The following GALNT18 variants were observed in gnomAD, a reference collection of about 807,000 sequenced individuals.
The protein encoded by GALNT18 is polypeptide N-acetylgalactosaminyltransferase 18.
GALNT18 carries 44 observed loss-of-function variants against 69.5 expected under a neutral mutation model. The ratio of observed to expected loss-of-function variants is 0.63; its 90% CI spans 0.50 to 0.81. The LOEUF is 0.81. Among genes scored for constraint, GALNT18 ranks in the 40% least tolerant of loss-of-function variants. The pLI, the probability that GALNT18 is intolerant of heterozygous loss-of-function variation, is 0.00. For synonymous variants in GALNT18, 364 were observed against 318.2 expected (o/e 1.14, Z -1.53); for missense variants, 715 against 810.0 (o/e 0.88, Z 1.42).
intron 1 of GALNT18, among the ~76,000 whole-genome samples, chr11:11,522,426 G>A (rs1215897080): frequency 6.6e-6 from 1 of 152,176 alleles, no homozygotes; most frequent in African/African-American, 2.4e-5. Context: ...GGGGATGAGA[G>A]TGTCCCTTGA....
At chr11:11,289,804 T>TG (rs1345739872) in intron 10 of GALNT18, among the ~76,000 whole-genome samples, 2 of 152,150 alleles carry the variant, frequency 1.3e-5, no homozygotes, top group Non-Finnish European at 2.9e-5. Context: ...ATTCAGCCAG[T>TG]GAATCTACCA....
intron 3 of GALNT18, among the ~76,000 whole-genome samples, chr11:11,380,152 T>C (rs1853874815): frequency 6.6e-6 from 1 of 152,222 alleles, no homozygotes; most frequent in African/African-American, 2.4e-5. Flanking sequence ...ATCCATTCCT[T>C]AGAGGGCCTC....
At chr11:11,352,873 T>G in intron 6 of GALNT18, 1 of 1,614,202 alleles carries the variant, frequency 6.2e-7, no homozygotes. Flanking sequence ...TCCAAAATCT[T>G]TATTTCACGC....
At chr11:11,306,505 G>C (rs368706878) in intron 9 of GALNT18, among the ~76,000 whole-genome samples, 2 of 152,034 alleles carry the variant, frequency 1.3e-5, no homozygotes, top group Non-Finnish European at 2.9e-5. Context: ...CATTTTCCTT[G>C]TCCCTGGGGA....
chr11:11,572,656 T>C (rs1007469420), intron 1 of GALNT18, among the ~76,000 whole-genome samples: 1 of 151,986 alleles, frequency 6.6e-6, no homozygotes, highest in African/African-American at 2.4e-5. Flanking sequence ...AGAGCAATGG[T>C]GCAGGAGGAC....
rs142465138 is a variant in GALNT18 at position 11,309,953 on chromosome 11, C to T, written c.1513-16760G>A. 4.4e-3 allele frequency among the ~76,000 whole-genome samples: 661 copies of T among 151,942 alleles called. 5 individuals are homozygous for T. Among genetic ancestry groups the T allele is most frequent in the African/African-American group, 0.015 (628 of 41,494 alleles). ...CTTAAATAGATCTCTCTACTTATTTCTTCCCTTCAGTCTCAAAACATGTTC... is the reference window on the plus strand; with the variant it reads ...CTTAAATAGATCTCTCTACTTATTTTTTCCCTTCAGTCTCAAAACATGTTC... On this transcript the variant is annotated intron_variant, in intron 9 of 10. Transcript: ENST00000227756. The surrounding 1 kb of genome is among the most constrained non-coding windows in gnomAD (Gnocchi z 4.6).
chr11:11,572,111 G>A (rs1858806090), intron 1 of GALNT18, among the ~76,000 whole-genome samples: 2 of 152,238 alleles, frequency 1.3e-5, no homozygotes, highest in South Asian at 4.1e-4. Context: ...CCCTGTGCAA[G>A]CAGGCCTGTG....
At chr11:11,506,161 A>C (rs1014830403) in intron 1 of GALNT18, among the ~76,000 whole-genome samples, 40 of 152,326 alleles carry the variant, frequency 2.6e-4, no homozygotes, top group African/African-American at 9.4e-4. Context: ...GATTTCAAAC[A>C]ATCTATGTCC....
intron 3 of GALNT18, among the ~76,000 whole-genome samples, chr11:11,423,262 G>C (rs1488577004): frequency 6.6e-6 from 1 of 151,964 alleles, no homozygotes; most frequent in African/African-American, 2.4e-5. Flanking sequence ...TGTGTTATAT[G>C]TATGTAACAC....
intron 1 of GALNT18, among the ~76,000 whole-genome samples, chr11:11,560,817 C>T (rs1858487253): frequency 6.6e-6 from 1 of 152,198 alleles, no homozygotes; most frequent in Non-Finnish European, 1.5e-5. Context: ...GAGATTCCTG[C>T]CAGACCCTTT....
At position 11,616,778 on chromosome 11, in the gene GALNT18, C is replaced by T. The variant is rs1211928143; in HGVS notation, c.235+4581G>A. On this transcript the variant is annotated intron_variant, in intron 1 of 10. Coordinates refer to ENST00000227756, the MANE Select transcript of GALNT18 (RefSeq NM_198516.3). This position sits in a 1 kb window ranked among gnomAD's most constrained non-coding sequence, Gnocchi z 4.4. ...GGGTTTGTTCTCAAACGTGTTTACA[C>T]TATTTGTACTTGTCACTGTAACGGC... Among the ~76,000 whole-genome samples the T allele has an allele frequency of 1.3e-5, 2 of 152,182 alleles. No individual in the cohort carries two copies. The highest frequency in any genetic ancestry group is 2.4e-5 in the African/African-American group (1 of 41,434).
chr11:11,597,786 G>C (rs1003297433), intron 1 of GALNT18, among the ~76,000 whole-genome samples: 4 of 151,242 alleles, frequency 2.6e-5, no homozygotes, highest in Non-Finnish European at 5.9e-5. Flanking sequence ...TCAGCCTCCT[G>C]AGTAGCTGGG....
intron 1 of GALNT18, among the ~76,000 whole-genome samples, chr11:11,552,794 T>C (rs571488223): frequency 5.9e-5 from 9 of 152,264 alleles, no homozygotes; most frequent in Admixed American, 5.9e-4. Flanking sequence ...TTCTGCATGG[T>C]TCTGTCAGCC....
chr11:11,442,228 C>T (rs1340669595), intron 2 of GALNT18, among the ~76,000 whole-genome samples: 1 of 152,184 alleles, frequency 6.6e-6, no homozygotes, highest in Non-Finnish European at 1.5e-5. Flanking sequence ...CTCACATTGT[C>T]ATCTCTCAGG....
At chr11:11,330,255 G>A (rs76693736) in intron 8 of GALNT18, among the ~76,000 whole-genome samples, 7,762 of 152,260 alleles carry the variant, frequency 0.051, 262 homozygotes, top group Middle Eastern at 0.075. Flanking sequence ...TGTCATTTGG[G>A]CATGAGTTGG....
At chr11:11,611,678 C>T (rs139747174) in intron 1 of GALNT18, among the ~76,000 whole-genome samples, 13 of 152,272 alleles carry the variant, frequency 8.5e-5, no homozygotes, top group African/African-American at 3.1e-4. Context: ...CTGAAAGACA[C>T]GTGACTATGC....
At chr11:11,290,307 G>GCTAA (rs921541558) in intron 10 of GALNT18, among the ~76,000 whole-genome samples, 128 of 152,306 alleles carry the variant, frequency 8.4e-4, no homozygotes, top group African/African-American at 2.9e-3. Context: ...TCAATCTCCT[G>GCTAA]CTAACTCTTC....
intron 3 of GALNT18, among the ~76,000 whole-genome samples, chr11:11,388,234 C>A (rs1351905160): frequency 1.3e-5 from 2 of 152,048 alleles, no homozygotes; most frequent in Non-Finnish European, 2.9e-5. Flanking sequence ...TCGTGGCCAC[C>A]AAAACCCACA....
intron 1 of GALNT18, among the ~76,000 whole-genome samples, chr11:11,615,233 C>T (rs1225359022): frequency 6.6e-6 from 1 of 152,204 alleles, no homozygotes; most frequent in East Asian, 1.9e-4. Flanking sequence ...TAAGTAACAT[C>T]CATAAGCTAT....
Sources: allele counts gnomAD v4.1 joint callset (sites outside exome capture counted in the v4.1 genomes callset), GRCh38; gene constraint gnomAD v4.1.1; non-coding constraint Gnocchi (gnomAD v3.1); transcripts MANE v1.5; gene names NCBI Gene and HGNC (gene_info 2026-07-23, HGNC 2026-07-21).